The following LAMC3 variants were observed in gnomAD, a reference collection of about 807,000 sequenced individuals.
The protein encoded by LAMC3 is laminin subunit gamma-3.
In LAMC3, 128 loss-of-function variants were observed where a neutral mutation model predicts 173.8. The observed-to-expected ratio is 0.74, with a 90% CI of 0.64 to 0.85. LAMC3 has a LOEUF of 0.85. LAMC3 is among the 40% of genes least tolerant of loss of function. The probability of loss-of-function intolerance (pLI) is 0.00; values close to 1 mark genes in which losing one functional copy is unlikely to be tolerated. For synonymous variants in LAMC3, 897 were observed against 909.1 expected (o/e 0.99, Z 0.24); for missense variants, 2,022 against 2,156.0 (o/e 0.94, Z 1.23).
intron 9 of LAMC3, among the ~76,000 whole-genome samples, 198 bp downstream of exon 9, chr9:131,049,328 C>A (rs1165764734): frequency 6.6e-6 from 1 of 152,122 alleles, no homozygotes; most frequent in Non-Finnish European, 1.5e-5. Flanking sequence ...TGGGAAAGTC[C>A]CTTCCTTGCC....
At chr9:131,046,225 C>T (rs529871634) in intron 8 of LAMC3, among the ~76,000 whole-genome samples, 41 of 108,528 alleles carry the variant, frequency 3.8e-4, no homozygotes, top group South Asian at 6.2e-4. Context: ...CAGGGTCTTG[C>T]TGAGTCACCA....
At chr9:131,071,696 T>C in intron 18 of LAMC3, 71 bp downstream of exon 18, 4 of 1,458,798 alleles carry the variant, frequency 2.7e-6, no homozygotes, top group Non-Finnish European at 2.7e-6. Context: ...TCTGGTGTCG[T>C]TGGATGCTTT....
chr9:131,075,822 C>G lies in LAMC3; in HGVS notation c.3495-9C>G. The G allele has an allele frequency of 6.2e-7, 1 of 1,608,388 alleles. No homozygotes were observed. Among genetic ancestry groups the G allele is most frequent in the Non-Finnish European group, 8.5e-7 (1 of 1,178,322 alleles). On this transcript the variant is annotated splice_polypyrimidine_tract_variant and intron_variant, in intron 20 of 27. Coordinates refer to ENST00000361069, the MANE Select transcript of LAMC3 (RefSeq NM_006059.4). ...CCTTGGTAATGCTCAGGTGGGTGTC[C>G]TCACACAGCCACAGAGACACCGCCA...
At chr9:131,068,855 G>T in intron 15 of LAMC3, 53 bp from the exon 16 acceptor site, 1 of 1,610,372 alleles carries the variant, frequency 6.2e-7, no homozygotes, top group Non-Finnish European at 8.5e-7. Flanking sequence ...GCAGAGGCTG[G>T]GCCAGGAGTG....
chr9:131,052,456 T>G (rs977961581), intron 9 of LAMC3, 35 bp from the exon 10 acceptor site: 1 of 1,551,808 alleles, frequency 6.4e-7, no homozygotes, highest in African/African-American at 1.4e-5. Context: ...GCTAACCATA[T>G]GAAGACTGTC....
Position 131,091,606 on chromosome 9 carries a change from G to C in LAMC3, c.4547G>C (p.Arg1516Thr), listed in dbSNP as rs141292568. The C allele has an allele frequency of 1.9e-6, 3 of 1,593,838 alleles. No homozygotes were observed. The highest frequency in any genetic ancestry group is 2.6e-6 in the Non-Finnish European group (3 of 1,170,500). The change falls in exon 28 of 28, where the codon AGG (arginine) becomes ACG (threonine). Residue 1516 changes from arginine to threonine, a missense_variant. Coordinates refer to ENST00000361069, the MANE Select transcript of LAMC3 (RefSeq NM_006059.4). Reference protein sequence around the residue: ...NETQWALERLRLQLGSPGSLQ... With the variant: ...NETQWALERLTLQLGSPGSLQ... ...ACTCAGTGGGCACTAGAACGCCTGA[G>C]GCTGCAGCTGGGCTCCCCGGGGTCC...
chr9:131,057,062 C>T lies in LAMC3; in HGVS notation c.2073C>T (p.Tyr691=), dbSNP rs1390545578. 6.2e-7 allele frequency: 1 copy of T among 1,614,184 alleles called. No individual in the cohort carries two copies. The highest frequency in any genetic ancestry group is 1.3e-5 in the African/African-American group (1 of 75,056). Residue 691 remains tyrosine (Y), a synonymous_variant, in exon 12 of 28, where the codon TAC becomes TAT. Coordinates refer to ENST00000361069, the MANE Select transcript of LAMC3 (RefSeq NM_006059.4). ...TCTGTGAATCCTGTGCTCCGGGATACAAGAGGGAGATGCCACAGGGGGGTC... is the reference window on the plus strand; with the variant it reads ...TCTGTGAATCCTGTGCTCCGGGATATAAGAGGGAGATGCCACAGGGGGGTC... The part of the protein sequence containing the change: ...GQFCESCAPG[Y]KREMPQGGPY...
intron 2 of LAMC3, among the ~76,000 whole-genome samples, chr9:131,030,723 C>A (rs1198460806): frequency 6.6e-6 from 1 of 152,248 alleles, no homozygotes; most frequent in Non-Finnish European, 1.5e-5. Flanking sequence ...GGTTTGAGTT[C>A]TCCAGGTGGC....
intron 13 of LAMC3, among the ~76,000 whole-genome samples, chr9:131,062,117 C>T (rs776373041): frequency 7.2e-5 from 11 of 152,070 alleles, no homozygotes; most frequent in Non-Finnish European, 1.5e-4. Flanking sequence ...AATCCCAGCA[C>T]TTTGGGAGGC....
intron 6 of LAMC3, 74 bp downstream of exon 6, chr9:131,039,322 A>C (rs1438719611): frequency 8.0e-7 from 1 of 1,245,190 alleles, no homozygotes; most frequent in East Asian, 2.3e-5. Context: ...GGCTGTCAGC[A>C]GTCCCTCCCC....
At chr9:131,088,862 A>G (rs1170428985) in intron 27 of LAMC3, among the ~76,000 whole-genome samples, 10 of 152,048 alleles carry the variant, frequency 6.6e-5, no homozygotes, top group Non-Finnish European at 2.9e-5. Context: ...TGGGTGGATC[A>G]TTTGAGGTCA....
intron 1 of LAMC3, among the ~76,000 whole-genome samples, chr9:131,013,740 G>T (rs1400068015): frequency 3.3e-5 from 5 of 152,234 alleles, no homozygotes; most frequent in African/African-American, 7.2e-5. Flanking sequence ...TCTTCGACCT[G>T]CCGGGCCTGG....
intron 1 of LAMC3, among the ~76,000 whole-genome samples, chr9:131,022,880 G>A (rs903219407): frequency 2.6e-5 from 4 of 152,028 alleles, no homozygotes; most frequent in African/African-American, 9.7e-5. Context: ...GCCCGGCTTG[G>A]AACACCTTTA....
intron 6 of LAMC3, 129 bp from the exon 7 acceptor site, chr9:131,041,508 C>A (rs2133260605): frequency 1.2e-6 from 1 of 806,080 alleles, no homozygotes; most frequent in Non-Finnish European, 2.1e-6. Context: ...AACAGTAAAG[C>A]CAGGTCAGTT....
chr9:131,070,009 G>A (rs970346347), intron 17 of LAMC3, among the ~76,000 whole-genome samples, 159 bp downstream of exon 17: 2 of 152,204 alleles, frequency 1.3e-5, no homozygotes, highest in Non-Finnish European at 2.9e-5. Context: ...CTTCAGGCCT[G>A]TTCCAGCCTG....
chr9:131,060,695 C>T (rs1588156911), intron 12 of LAMC3, among the ~76,000 whole-genome samples: 1 of 152,088 alleles, frequency 6.6e-6, no homozygotes, highest in Non-Finnish European at 1.5e-5. Flanking sequence ...GTATGTGTGC[C>T]AGAGAGTGTG....
At position 131,085,686 on chromosome 9, in the gene LAMC3, G is replaced by C; in HGVS notation, c.4193G>C (p.Gly1398Ala). 6.2e-7 allele frequency: 1 copy of C among 1,614,202 alleles called. No individual in the cohort carries two copies. Among genetic ancestry groups the C allele is most frequent in the Non-Finnish European group, 8.5e-7 (1 of 1,180,040 alleles). ...APLSSSAKKKGREAEVLAKDS... is the reference protein window; with the variant it reads ...APLSSSAKKKAREAEVLAKDS... Reference sequence around the variant, plus strand: ...CTTTCCTCCAGTGCCAAGAAGAAGGGCAGAGAAGCAGAGGTGTTGGCCAAG... The same window carrying C: ...CTTTCCTCCAGTGCCAAGAAGAAGGCCAGAGAAGCAGAGGTGTTGGCCAAG... The change falls in exon 25 of 28, where the codon GGC becomes GCC. Residue 1398 changes from glycine (G) to alanine (A), a missense_variant. Transcript: ENST00000361069.
chr9:131,052,428 A>T, intron 9 of LAMC3, 63 bp from the exon 10 acceptor site: 1 of 1,387,902 alleles, frequency 7.2e-7, no homozygotes, highest in Middle Eastern at 1.8e-4. Flanking sequence ...TAAAATCAAC[A>T]TAGACATTTA....
chr9:131,080,538 C>T (rs1254587663), intron 23 of LAMC3, among the ~76,000 whole-genome samples: 1 of 152,192 alleles, frequency 6.6e-6, no homozygotes, highest in Non-Finnish European at 1.5e-5. Context: ...CCACCTCAGC[C>T]TCCCAAAGTG....
Sources: allele counts gnomAD v4.1 joint callset (sites outside exome capture counted in the v4.1 genomes callset), GRCh38; gene constraint gnomAD v4.1.1; transcripts MANE v1.5; gene names NCBI Gene and HGNC (gene_info 2026-07-23, HGNC 2026-07-21).